ZNF407: variants seen among roughly 807,000 people sequenced by gnomAD.
The protein encoded by ZNF407 is zinc finger protein 407.
A neutral mutation model predicts 131.2 loss-of-function variants in ZNF407; 17 were observed. That is an observed-to-expected ratio of 0.13 (90% confidence interval 0.09 to 0.19). The LOEUF (loss-of-function observed/expected upper bound fraction) is 0.19, where lower values mean the gene tolerates loss of function less well. Among genes scored for constraint, ZNF407 ranks in the 10% least tolerant of loss-of-function variants. The pLI is 1.00. For synonymous variants in ZNF407, 1,156 were observed against 1,062.0 expected, an observed-to-expected ratio of 1.09 and a Z score of -1.72; for missense variants, 2,681 against 2,830.6, an observed-to-expected ratio of 0.95 and a Z score of 1.20.
chr18:74,888,946 A>G (rs776940599), intron 6 of ZNF407, among the ~76,000 whole-genome samples: 1 of 152,218 alleles, frequency 6.6e-6, no homozygotes, highest in Non-Finnish European at 1.5e-5. Flanking sequence ...CAGGCATCAC[A>G]TAACTTGTTG....
intron 8 of ZNF407, among the ~76,000 whole-genome samples, chr18:74,924,472 A>G (rs1450724075): frequency 6.6e-6 from 1 of 152,196 alleles, no homozygotes; most frequent in East Asian, 1.9e-4. Context: ...GTCATTGTAC[A>G]ATTTTTCTTC....
chr18:74,726,875 T>G (rs1252758595), intron 3 of ZNF407, among the ~76,000 whole-genome samples: 3 of 152,084 alleles, frequency 2.0e-5, no homozygotes, highest in Non-Finnish European at 4.4e-5. Context: ...TGTCACAGAG[T>G]CTTGGGCATG....
intron 8 of ZNF407, among the ~76,000 whole-genome samples, chr18:74,997,805 C>G (rs903349574): frequency 6.6e-6 from 1 of 152,168 alleles, no homozygotes; most frequent in Non-Finnish European, 1.5e-5. Flanking sequence ...TTACTTCTAC[C>G]TCTGCTTACC....
At chr18:74,819,455 C>T (rs1970310951) in intron 4 of ZNF407, among the ~76,000 whole-genome samples, 1 of 152,138 alleles carries the variant, frequency 6.6e-6, no homozygotes, top group African/African-American at 2.4e-5. Flanking sequence ...GCTAATTTTA[C>T]AAGCATACAA....
chr18:75,052,653 G>A (rs376365801), intron 8 of ZNF407, among the ~76,000 whole-genome samples: 7 of 152,330 alleles, frequency 4.6e-5, no homozygotes, highest in East Asian at 3.9e-4. Context: ...GGACTCAGGC[G>A]TCAGCCGCCT....
chr18:74,912,483 C>T (rs539780862), intron 7 of ZNF407, among the ~76,000 whole-genome samples: 1 of 152,254 alleles, frequency 6.6e-6, no homozygotes, highest in Admixed American at 6.5e-5. Context: ...ATAGAAAGTC[C>T]AGAATTCACC....
intron 8 of ZNF407, among the ~76,000 whole-genome samples, chr18:74,934,219 G>A (rs531130915): frequency 7.8e-4 from 119 of 152,238 alleles, no homozygotes; most frequent in African/African-American, 2.7e-3. Context: ...AAATGGTTTC[G>A]TGTTTGTGAA....
intron 4 of ZNF407, among the ~76,000 whole-genome samples, chr18:74,817,760 T>C (rs905971292): frequency 1.3e-5 from 2 of 152,184 alleles, no homozygotes; most frequent in South Asian, 2.1e-4. Context: ...TGAGAAGTTA[T>C]GTGCAGGGCT....
intron 8 of ZNF407, among the ~76,000 whole-genome samples, chr18:74,932,950 G>A (rs945022923): frequency 6.6e-6 from 1 of 152,192 alleles, no homozygotes; most frequent in Non-Finnish European, 1.5e-5. Context: ...TGAAGCGAAT[G>A]TACAATAGTG....
chr18:74,676,155 G>A (rs1369189330), intron 3 of ZNF407, among the ~76,000 whole-genome samples: 2 of 151,492 alleles, frequency 1.3e-5, no homozygotes, highest in African/African-American at 2.4e-5. Context: ...ACAGTGGCAC[G>A]ATCTCGGCTC....
chr18:74,746,442 C>T (rs964555633), intron 3 of ZNF407, among the ~76,000 whole-genome samples: 7 of 151,974 alleles, frequency 4.6e-5, no homozygotes, highest in African/African-American at 1.7e-4. Context: ...AAGTTTTTGA[C>T]TCCTTTTTGA....
intron 6 of ZNF407, among the ~76,000 whole-genome samples, chr18:74,885,762 G>A (rs1235117329): frequency 2.6e-5 from 4 of 152,126 alleles, no homozygotes; most frequent in African/African-American, 9.7e-5. Context: ...GGCTATCTAT[G>A]TGCAATGAAA....
At chr18:74,677,260 T>C (rs1986430870) in intron 3 of ZNF407, among the ~76,000 whole-genome samples, 1 of 152,122 alleles carries the variant, frequency 6.6e-6, no homozygotes, top group Non-Finnish European at 1.5e-5. Flanking sequence ...CAGGTTAATT[T>C]CTGTATTTTT....
intron 3 of ZNF407, among the ~76,000 whole-genome samples, chr18:74,656,314 C>A (rs1985454254): frequency 1.3e-5 from 2 of 151,802 alleles, no homozygotes; most frequent in Admixed American, 6.6e-5. Flanking sequence ...TTTTGGTGTG[C>A]AGTTCATTTT....
chr18:74,723,065 A>G (rs1402305035), intron 3 of ZNF407, among the ~76,000 whole-genome samples: 1 of 152,056 alleles, frequency 6.6e-6, no homozygotes, highest in Non-Finnish European at 1.5e-5. Flanking sequence ...CTTCAAATTT[A>G]TTGATTCTTT....
At chr18:74,997,431 T>C (rs1972792131) in intron 8 of ZNF407, among the ~76,000 whole-genome samples, 3 of 152,110 alleles carry the variant, frequency 2.0e-5, no homozygotes, top group Admixed American at 2.0e-4. Flanking sequence ...GGGAACTGCT[T>C]GTTCAGGCCC....
intron 8 of ZNF407, among the ~76,000 whole-genome samples, chr18:74,943,280 G>A (rs1472054728): frequency 6.6e-6 from 1 of 152,152 alleles, no homozygotes; most frequent in Non-Finnish European, 1.5e-5. Context: ...ATTTTCCTGA[G>A]AATTCTGATT....
intron 8 of ZNF407, among the ~76,000 whole-genome samples, chr18:74,954,541 A>T (rs1972254130): frequency 6.6e-6 from 1 of 152,230 alleles, no homozygotes; most frequent in Admixed American, 6.5e-5. Flanking sequence ...ATAATCATGC[A>T]ATAATTATTA....
At chr18:74,696,725 G>A (rs1187484955) in intron 3 of ZNF407, among the ~76,000 whole-genome samples, 2 of 152,170 alleles carry the variant, frequency 1.3e-5, no homozygotes, top group East Asian at 1.9e-4. Flanking sequence ...GGCAGTGGGT[G>A]CTGATGAGAG....
Sources: allele counts gnomAD v4.1 joint callset (sites outside exome capture counted in the v4.1 genomes callset), GRCh38; gene constraint gnomAD v4.1.1; transcripts MANE v1.5; gene names NCBI Gene and HGNC (gene_info 2026-07-23, HGNC 2026-07-21).